The following NUDT18 variants were observed in gnomAD, a reference collection of about 807,000 sequenced individuals.
NUDT18 encodes the protein 8-oxo-dGDP phosphatase NUDT18.
NUDT18 carries 26 observed loss-of-function variants against 27.6 expected under a neutral mutation model. The observed-to-expected ratio is 0.94, with a 90% CI of 0.69 to 1.31. The LOEUF (loss-of-function observed/expected upper bound fraction) is 1.31, where lower values mean the gene tolerates loss of function less well. Among genes scored for constraint, NUDT18 ranks in the 50% most tolerant of loss-of-function variants. NUDT18 has a pLI of 0.00. For missense variants in NUDT18, 450 were observed against 433.4 expected (o/e 1.04, Z -0.34); for synonymous variants, 220 against 196.9 (o/e 1.12, Z -0.98).
At chr8:22,108,099 G>A (rs1329150511) in intron 2 of NUDT18, 34 bp downstream of exon 2, 35 of 1,465,152 alleles carry the variant, frequency 2.4e-5, no homozygotes, top group Non-Finnish European at 3.0e-5. Flanking sequence ...GGTGTCAACT[G>A]GCCCTGTTCA....
intron 2 of NUDT18, 58 bp from the exon 3 acceptor site, chr8:22,107,953 T>G: frequency 7.0e-7 from 1 of 1,435,560 alleles, no homozygotes; most frequent in Non-Finnish European, 9.3e-7. Context: ...AGTGCAGCTC[T>G]GGCAGAGTCA....
In NUDT18 at chr8:22,107,936, G is replaced by A. The variant is rs759661883; in HGVS notation, c.377-41C>T. ...GGGATGGGGCAGGGAGGGTCTGTGT[G>A]GAGAGAAGTGCAGCTCTGGCAGAGT... is the stretch of plus-strand genomic sequence containing the variant. On this transcript the variant is annotated intron_variant, in intron 2 of 2. Coordinates refer to ENST00000611621, the MANE Select transcript of NUDT18 (RefSeq NM_024815.4). The A allele has an allele frequency of 1.1e-5, 17 of 1,485,210 alleles. No homozygotes were observed. The South Asian group carries it at 2.1e-4, about 18-fold the overall frequency. The allele number at this position is 1,485,210 out of a possible 1,614,324, so 92.0% of individuals were successfully genotyped here.
At position 22,107,030 on chromosome 8, in the gene NUDT18, A is replaced by C; in HGVS notation, c.*270T>G. On this transcript the variant is annotated 3_prime_UTR_variant, in exon 3 of 3. Coordinates refer to ENST00000611621, the MANE Select transcript of NUDT18 (RefSeq NM_024815.4). Reference sequence around the variant, plus strand: ...GAGGAGATGCCACTGGGGGTGCAGAAAGCTCCCCATCCCCCTGGGAAGAGG... The same window carrying C: ...GAGGAGATGCCACTGGGGGTGCAGACAGCTCCCCATCCCCCTGGGAAGAGG... The C allele has an allele frequency of 2.3e-6, 1 of 426,328 alleles. No individual in the cohort carries two copies. The highest frequency in any genetic ancestry group is 3.4e-5 in the South Asian group (1 of 29,050). The allele number at this position is 426,328 out of a possible 1,614,324, so 26.4% of individuals were successfully genotyped here. A position where few individuals can be genotyped will look rare whatever the true frequency, so the allele number is the denominator to read the frequency against.
At position 22,107,879 on chromosome 8, in the gene NUDT18, A is replaced by G. The variant is rs545540302; in HGVS notation, c.393T>C (p.Thr131=). The G allele has an allele frequency of 2.5e-6, 4 of 1,582,312 alleles. No individual in the cohort carries two copies. The East Asian group carries it at 9.0e-5, about 36-fold the overall frequency. ...GGGACTCCGCATCGGCCTCCTTGGA[A>G]GTCTTGAGAATTCCACCTGGGGGAG... is the stretch of plus-strand genomic sequence containing the variant. The part of the protein sequence containing the change: ...LARPTGGILK[T]SKEADAESLQ... The change falls in exon 3 of 3, where the codon ACT becomes ACC. Residue 131 remains threonine, a synonymous_variant. Coordinates refer to ENST00000611621, the MANE Select transcript of NUDT18 (RefSeq NM_024815.4).
Position 22,109,392 on chromosome 8 carries a change from C to A in NUDT18, c.-92G>T, listed in dbSNP as rs1826429778. ...GCGCTGCGGAGCCCGCTCCCAGTCC[C>A]TGCGGCAGCGGGCCGGGAGCTCACG... On this transcript the variant is annotated 5_prime_UTR_variant, in exon 1 of 3. It adds an upstream start codon to the 5' untranslated region. Transcript: ENST00000611621. 8.1e-7 allele frequency: 1 copy of A among 1,227,770 alleles called. No individual in the cohort carries two copies. The allele number at this position is 1,227,770 out of a possible 1,614,324, so 76.1% of individuals were successfully genotyped here.
At chr8:22,109,728 C>T (rs772750416), upstream of NUDT18, 77 of 458,162 alleles carry the variant, frequency 1.7e-4, no homozygotes, top group South Asian at 1.2e-3. Flanking sequence ...GCGCGTTGCG[C>T]CGCCGGGGTA....
At chr8:22,107,974 C>T in intron 2 of NUDT18, 79 bp from the exon 3 acceptor site, 1 of 1,390,334 alleles carries the variant, frequency 7.2e-7, no homozygotes, top group Non-Finnish European at 9.6e-7. Context: ...ACAGACATCC[C>T]TGACCCAGGA....
At position 22,107,548 on chromosome 8, in the gene NUDT18, G is replaced by C; in HGVS notation, c.724C>G (p.Leu242Val). The C allele has an allele frequency of 6.2e-7, 1 of 1,613,050 alleles. No individual in the cohort carries two copies. Residue 242 changes from leucine to valine, a missense_variant, in exon 3 of 3, where the codon CTG becomes GTG. Transcript: ENST00000611621. The part of the protein sequence containing the change: ...MAVLRLLQEC[L>V]TLHHLVVEIK... ...TCCACCACCAAGTGGTGCAGGGTCA[G>C]ACACTCCTGCAGCAGCCGCAGGACG...
chr8:22,110,174 C>T (rs577419894), upstream of NUDT18, among the ~76,000 whole-genome samples: 3 of 152,222 alleles, frequency 2.0e-5, no homozygotes, highest in Admixed American at 1.3e-4. Context: ...GCTCAAGGCC[C>T]TCTCTGCTGC....
chr8:22,108,030 T>C, intron 2 of NUDT18, 103 bp downstream of exon 2: 1 of 1,361,276 alleles, frequency 7.3e-7, no homozygotes, highest in Non-Finnish European at 9.8e-7. Flanking sequence ...TGCCAGGCTG[T>C]GCCAGCCATA....
At position 22,107,094 on chromosome 8, in the gene NUDT18, G is replaced by T; in HGVS notation, c.*206C>A. ...TCAGGGTAGTCAGGTCCTGAGCTTTGGACTCCTCGCTTGGTTAAAGGCACT... is the reference window on the plus strand; with the variant it reads ...TCAGGGTAGTCAGGTCCTGAGCTTTTGACTCCTCGCTTGGTTAAAGGCACT... On this transcript the variant is annotated 3_prime_UTR_variant, in exon 3 of 3. Coordinates refer to ENST00000611621, the MANE Select transcript of NUDT18 (RefSeq NM_024815.4). The T allele has an allele frequency of 1.8e-6, 1 of 563,104 alleles. No individual in the cohort carries two copies. Among genetic ancestry groups the T allele is most frequent in the Non-Finnish European group, 3.1e-6 (1 of 317,526 alleles). The allele number at this position is 563,104 out of a possible 1,614,324, so 34.9% of individuals were successfully genotyped here. A position where few individuals can be genotyped will look rare whatever the true frequency, so the allele number is the denominator to read the frequency against.
In NUDT18 at chr8:22,108,255, A is replaced by G; in HGVS notation, c.254T>C (p.Val85Ala). 1 of 1,597,172 alleles carries G rather than the reference A, an allele frequency of 6.3e-7. No homozygotes were observed. The highest frequency in any genetic ancestry group is 8.5e-7 in the Non-Finnish European group (1 of 1,172,604). Residue 85 changes from valine to alanine, a missense_variant, in exon 2 of 3, where the codon GTG becomes GCG. Coordinates refer to ENST00000611621, the MANE Select transcript of NUDT18 (RefSeq NM_024815.4). ...CTTCACCTCCCGCTGCAGCGCCTCC[A>G]CGATGGTCTCCCCTGGCTCCATTCT... ...AGRMEPGETIVEALQREVKEE... is the reference protein window; with the variant it reads ...AGRMEPGETIAEALQREVKEE...
At position 22,109,312 on chromosome 8, in the gene NUDT18, G is replaced by A. The variant is rs1041210406; in HGVS notation, c.-12C>T. On this transcript the variant is annotated 5_prime_UTR_variant, in exon 1 of 3. Coordinates refer to ENST00000611621, the MANE Select transcript of NUDT18 (RefSeq NM_024815.4). ...CCCTCCGAGGCCATCGGGTCCCCCG[G>A]GGGGCGGCGGGCCGGATCCTCGCAG... 7 of 1,338,052 alleles carry A rather than the reference G, an allele frequency of 5.2e-6. 1 individual carries two copies. The South Asian group carries it at 1.1e-4, about 22-fold the overall frequency. 82.9% of individuals were successfully genotyped at this position (1,338,052 alleles called of 1,614,324 possible). A position where few individuals can be genotyped will look rare whatever the true frequency, so the allele number is the denominator to read the frequency against.
rs1242174527 is a variant in NUDT18 at position 22,107,802 on chromosome 8, T to C, written c.470A>G (p.His157Arg). ...TAGTTCAACCAGGTGCAGGATGTCA[T>C]GGGCTCGCAGCGGAGTGGGCAGGGA... is the stretch of plus-strand genomic sequence containing the variant. ...RTSLPTPLRA[H>R]DILHLVELAA... Residue 157 changes from histidine to arginine, a missense_variant, in exon 3 of 3, where the codon CAT becomes CGT. Coordinates refer to ENST00000611621, the MANE Select transcript of NUDT18 (RefSeq NM_024815.4). 6.2e-7 allele frequency: 1 copy of C among 1,613,358 alleles called. No homozygotes were observed. The highest frequency in any genetic ancestry group is 8.5e-7 in the Non-Finnish European group (1 of 1,179,852).
In NUDT18 at chr8:22,109,388, G is replaced by C. The variant is rs1200219431; in HGVS notation, c.-88C>G. On this transcript the variant is annotated 5_prime_UTR_variant, in exon 1 of 3. Coordinates refer to ENST00000611621, the MANE Select transcript of NUDT18 (RefSeq NM_024815.4). ...GAGTGCGCTGCGGAGCCCGCTCCCA[G>C]TCCCTGCGGCAGCGGGCCGGGAGCT... is the stretch of plus-strand genomic sequence containing the variant. 2 of 1,241,702 alleles carry C rather than the reference G, an allele frequency of 1.6e-6. No individual in the cohort carries two copies. Among genetic ancestry groups the C allele is most frequent in the Non-Finnish European group, 2.1e-6 (2 of 966,582 alleles). The allele number at this position is 1,241,702 out of a possible 1,614,324, so 76.9% of individuals were successfully genotyped here. A position where few individuals can be genotyped will look rare whatever the true frequency, so the allele number is the denominator to read the frequency against.
chr8:22,109,575 G>A (rs991715977), upstream of NUDT18: 5 of 523,624 alleles, frequency 9.5e-6, no homozygotes, highest in Admixed American at 2.4e-5. Context: ...GCACGGGTCC[G>A]GAGCCCAGCG....
chr8:22,109,752 C>T (rs1826440516), upstream of NUDT18: 1 of 456,676 alleles, frequency 2.2e-6, no homozygotes. Flanking sequence ...GACGGTGACG[C>T]GACAATCCGG....
chr8:22,110,331 TCCTC>T (rs1441874041), upstream of NUDT18, among the ~76,000 whole-genome samples: 1 of 152,246 alleles, frequency 6.6e-6, no homozygotes, highest in Non-Finnish European at 1.5e-5. Context: ...GCTCGGCCTT[TCCTC>T]CTTCACCCCA....
In NUDT18 at chr8:22,108,155, G is replaced by A; in HGVS notation, c.354C>T (p.Phe118=). 1.9e-6 allele frequency: 3 copies of A among 1,544,612 alleles called. No homozygotes were observed. Among genetic ancestry groups the A allele is most frequent in the Admixed American group, 4.1e-5 (2 of 49,024 alleles). Residue 118 remains phenylalanine, a synonymous_variant, in exon 2 of 3, where the codon TTC becomes TTT. Coordinates refer to ENST00000611621, the MANE Select transcript of NUDT18 (RefSeq NM_024815.4). ...TACCTGTGGGGCGAGCGAGGAACAC[G>A]AAGCGGACCCAGGAGGGGCCCCGCT... ...VEERGPSWVR[F]VFLARPTGGI... is the part of the protein sequence containing the mutation.
Sources: allele counts gnomAD v4.1 joint callset (sites outside exome capture counted in the v4.1 genomes callset), GRCh38; gene constraint gnomAD v4.1.1; transcripts MANE v1.5; gene names NCBI Gene and HGNC (gene_info 2026-07-23, HGNC 2026-07-21).